TMTC1: variants seen among roughly 807,000 people sequenced by gnomAD.
TMTC1 encodes protein O-mannosyl-transferase TMTC1.
Under a neutral mutation model 104.8 loss-of-function variants are expected in TMTC1, and 73 were observed. The observed-to-expected ratio is 0.70, with a 90% CI of 0.58 to 0.85. The LOEUF is 0.85. Among genes scored for constraint, TMTC1 ranks in the 40% least tolerant of loss-of-function variants. The probability of loss-of-function intolerance (pLI) is 0.00; values close to 1 mark genes in which losing one functional copy is unlikely to be tolerated. For synonymous variants in TMTC1, 434 were observed against 428.7 expected, an observed-to-expected ratio of 1.01 and a Z score of -0.15; for missense variants, 1,035 against 1,096.1, an observed-to-expected ratio of 0.94 and a Z score of 0.79.
At chr12:29,583,831 T>C (rs1026319204) in intron 7 of TMTC1, among the ~76,000 whole-genome samples, 7 of 152,074 alleles carry the variant, frequency 4.6e-5, no homozygotes, top group African/African-American at 1.2e-4. Flanking sequence ...AGGCTTAAAG[T>C]GCCCTGGATT....
intron 5 of TMTC1, among the ~76,000 whole-genome samples, chr12:29,713,590 C>T (rs1033018450): frequency 2.6e-5 from 4 of 152,106 alleles, no homozygotes; most frequent in South Asian, 2.1e-4. Context: ...ATATCACCAC[C>T]GATCTCATCA....
At chr12:29,758,563 G>A (rs776576387) in intron 3 of TMTC1, 141 bp downstream of exon 3, 1 of 835,464 alleles carries the variant, frequency 1.2e-6, no homozygotes, top group East Asian at 2.7e-5. Context: ...TGGACAAGCA[G>A]AGAGTTTCCT....
chr12:29,527,702 CCA>C (rs1172735389), intron 11 of TMTC1, among the ~76,000 whole-genome samples: 5 of 152,218 alleles, frequency 3.3e-5, no homozygotes, highest in Admixed American at 2.6e-4. Flanking sequence ...CCACTATTAA[CCA>C]CAGTTTTTAA....
At chr12:29,655,030 C>T (rs1433381875) in intron 5 of TMTC1, among the ~76,000 whole-genome samples, 12 of 152,054 alleles carry the variant, frequency 7.9e-5, no homozygotes, top group South Asian at 2.1e-4. Flanking sequence ...ATTACAGGCT[C>T]GTGCCACCAC....
At chr12:29,580,197 T>C (rs1481457635) in intron 8 of TMTC1, among the ~76,000 whole-genome samples, 1 of 152,142 alleles carries the variant, frequency 6.6e-6, no homozygotes, top group Non-Finnish European at 1.5e-5. Flanking sequence ...CACACACCTA[T>C]AGTCCCATCT....
intron 5 of TMTC1, among the ~76,000 whole-genome samples, chr12:29,635,231 C>T (rs1330649356): frequency 6.6e-6 from 1 of 152,020 alleles, no homozygotes; most frequent in Non-Finnish European, 1.5e-5. Flanking sequence ...AGGCTTGGGC[C>T]TGCGACATTG....
At chr12:29,569,351 C>T (rs1341517337) in intron 9 of TMTC1, among the ~76,000 whole-genome samples, 1 of 152,174 alleles carries the variant, frequency 6.6e-6, no homozygotes, top group African/African-American at 2.4e-5. Flanking sequence ...TTAATTTCAC[C>T]ATTGCCTTTG....
At chr12:29,758,306 T>G (rs1422704545) in intron 3 of TMTC1, among the ~76,000 whole-genome samples, 1 of 152,160 alleles carries the variant, frequency 6.6e-6, no homozygotes, top group Non-Finnish European at 1.5e-5. Context: ...TTGGTGAGGC[T>G]AAGAGAAAAA....
chr12:29,643,488 A>ATATT (rs1938977153), intron 5 of TMTC1, among the ~76,000 whole-genome samples: 4 of 83,536 alleles, frequency 4.8e-5, no homozygotes, highest in Non-Finnish European at 9.0e-5. Context: ...GAATATAAAA[A>ATATT]ATATTATATA....
intron 5 of TMTC1, among the ~76,000 whole-genome samples, chr12:29,636,757 G>T (rs1405856991): frequency 6.6e-6 from 1 of 151,784 alleles, no homozygotes; most frequent in Non-Finnish European, 1.5e-5. Flanking sequence ...GGTGGAGGTT[G>T]CAGTAAGCTG....
rs139498012 is a variant in TMTC1, at chr12:29,508,316, A to G, written c.2509-1330T>C. ...CTATATTCAATTATTATTTTTTTCAATTCAAGGATATGTCTTCCAAATGTC... is the reference window on the plus strand; with the variant it reads ...CTATATTCAATTATTATTTTTTTCAGTTCAAGGATATGTCTTCCAAATGTC... On this transcript the variant is annotated intron_variant, in intron 17 of 17. Transcript: ENST00000539277. Among the ~76,000 whole-genome samples the G allele has an allele frequency of 6.3e-4, 96 of 152,340 alleles. 1 individual carries two copies. Among genetic ancestry groups the G allele is most frequent in the African/African-American group, 2.1e-3 (89 of 41,584 alleles).
At chr12:29,726,320 A>G (rs998571728) in intron 5 of TMTC1, among the ~76,000 whole-genome samples, 1 of 152,172 alleles carries the variant, frequency 6.6e-6, no homozygotes, top group African/African-American at 2.4e-5. Context: ...TCTTTACTCT[A>G]AGACAATAGC....
At chr12:29,585,880 C>T (rs1946120313) in intron 7 of TMTC1, among the ~76,000 whole-genome samples, 1 of 151,624 alleles carries the variant, frequency 6.6e-6, no homozygotes, top group African/African-American at 2.4e-5. Flanking sequence ...CGTGATGCCT[C>T]CAGCTTTGTT....
At chr12:29,599,174 T>G (rs1369580511) in intron 7 of TMTC1, among the ~76,000 whole-genome samples, 1 of 152,212 alleles carries the variant, frequency 6.6e-6, no homozygotes, top group Non-Finnish European at 1.5e-5. Context: ...TTTAGTTCAT[T>G]GTAGCAATTT....
At chr12:29,708,607 C>T (rs1428785742) in intron 5 of TMTC1, among the ~76,000 whole-genome samples, 1 of 152,158 alleles carries the variant, frequency 6.6e-6, no homozygotes, top group African/African-American at 2.4e-5. Flanking sequence ...TGCACATTTC[C>T]AAACAGTGCT....
chr12:29,622,176 T>C (rs1178754865), intron 6 of TMTC1, among the ~76,000 whole-genome samples: 1 of 152,128 alleles, frequency 6.6e-6, no homozygotes, highest in Non-Finnish European at 1.5e-5. Context: ...CAGGTATCAG[T>C]AGCCCACCTC....
At chr12:29,713,208 C>T (rs1178584283) in intron 5 of TMTC1, among the ~76,000 whole-genome samples, 1 of 151,768 alleles carries the variant, frequency 6.6e-6, no homozygotes, top group Non-Finnish European at 1.5e-5. Flanking sequence ...GCCTGAATTT[C>T]CAGCCTGCAA....
chr12:29,671,472 C>A (rs1424920190), intron 5 of TMTC1, among the ~76,000 whole-genome samples: 3 of 152,154 alleles, frequency 2.0e-5, no homozygotes, highest in Admixed American at 2.0e-4. Flanking sequence ...AGCATACATG[C>A]ATACATTTAA....
At chr12:29,715,425 A>C (rs1470546683) in intron 5 of TMTC1, among the ~76,000 whole-genome samples, 1 of 152,232 alleles carries the variant, frequency 6.6e-6, no homozygotes, top group African/African-American at 2.4e-5. Context: ...AATAGTTAGC[A>C]TTTAATACAT....
Sources: gnomAD v4.1 joint callset for allele counts (sites outside exome capture counted in the v4.1 genomes callset) on GRCh38, gnomAD v4.1.1 for gene constraint, MANE v1.5 for transcripts, NCBI Gene and HGNC (gene_info 2026-07-23, HGNC 2026-07-21) for gene names.